The following ZNF605 variants were observed in gnomAD, a reference collection of about 807,000 sequenced individuals.
ZNF605 encodes the protein zinc finger protein 605.
A neutral mutation model predicts 7.9 loss-of-function variants in ZNF605; 9 were observed. The observed-to-expected ratio is 1.14, with a 90% CI of 0.68 to 1.98. The LOEUF (loss-of-function observed/expected upper bound fraction) is 1.98. ZNF605 is among the 30% of genes most tolerant of loss of function. The pLI is 0.00. For synonymous variants in ZNF605, 255 were observed against 260.1 expected (o/e 0.98, Z 0.19); for missense variants, 673 against 762.4 (o/e 0.88, Z 1.38).
rs1185702200 is a variant in ZNF605 at position 132,945,797 on chromosome 12, C to T, written c.-162G>A. ...ATTGTCTTGTTCCAGAGGGCTATTG[C>T]CTGTGGATGCAGTGGACATTTTATT... On this transcript the variant is annotated splice_region_variant and 5_prime_UTR_variant, in exon 3 of 5. Coordinates refer to ENST00000360187, the MANE Select transcript of ZNF605 (RefSeq NM_183238.4). 6.2e-6 allele frequency: 6 copies of T among 969,920 alleles called. No homozygotes were observed. Among genetic ancestry groups the T allele is most frequent in the East Asian group, 2.4e-5 (1 of 41,626 alleles). 60.1% of individuals were successfully genotyped at this position (969,920 alleles called of 1,614,324 possible).
rs1566228875 is a variant in ZNF605 at position 132,925,327 on chromosome 12, A to ACTTTC, written c.*45_*46insGAAAG. The ACTTTC allele has an allele frequency of 7.2e-7, 1 of 1,391,326 alleles. No homozygotes were observed. The highest frequency in any genetic ancestry group is 9.8e-7 in the Non-Finnish European group (1 of 1,019,576). 86.2% of individuals were successfully genotyped at this position (1,391,326 alleles called of 1,614,324 possible). On this transcript the variant is annotated 3_prime_UTR_variant, in exon 5 of 5. Transcript: ENST00000360187. ...TGCATCCTCAAAAGTGTCAGAAAGTATGACACTTGATAGCAACCTTTCTGC... is the reference window on the plus strand; with the variant it reads ...TGCATCCTCAAAAGTGTCAGAAAGTACTTTCTGACACTTGATAGCAACCTTTCTGC...
rs1011720182 is a variant in ZNF605 at position 132,932,608 on chromosome 12, A to G, written c.136+427T>C. The G allele has an allele frequency of 1.5e-5, 11 of 711,288 alleles. No individual in the cohort carries two copies. In the African/African-American group the frequency reaches 1.8e-4, roughly 12 times the overall value. The allele number at this position is 711,288 out of a possible 1,614,324, so 44.1% of individuals were successfully genotyped here. A position where few individuals can be genotyped will look rare whatever the true frequency, so the allele number is the denominator to read the frequency against. On this transcript the variant is annotated intron_variant, in intron 4 of 4. Coordinates refer to ENST00000360187, the MANE Select transcript of ZNF605 (RefSeq NM_183238.4). ...CTTGAGTCAACTCTAAAGATTCAGG[A>G]ACTTTAAACACAGTTTTATAAACAA...
chr12:132,927,888 C>G (rs1243821542), intron 4 of ZNF605, among the ~76,000 whole-genome samples: 4 of 152,052 alleles, frequency 2.6e-5, no homozygotes, highest in Admixed American at 1.3e-4. Context: ...ATCTCCTGAC[C>G]TCATGATCCA....
chr12:132,932,807 T>C (rs1236918100), intron 4 of ZNF605: 1 of 1,534,882 alleles, frequency 6.5e-7, no homozygotes, highest in Non-Finnish European at 8.7e-7. Flanking sequence ...TTTGAAAACC[T>C]GTCGATTGGA....
At chr12:132,929,944 A>AAAAT (rs146974268) in intron 4 of ZNF605, among the ~76,000 whole-genome samples, 11 of 152,236 alleles carry the variant, frequency 7.2e-5, no homozygotes, top group Admixed American at 2.6e-4. Flanking sequence ...ACTCCGTCTC[A>AAAAT]AAATAAATAA....
intron 3 of ZNF605, among the ~76,000 whole-genome samples, chr12:132,935,786 G>C (rs1169644045): frequency 6.6e-6 from 1 of 151,524 alleles, no homozygotes; most frequent in Non-Finnish European, 1.5e-5. Context: ...CCAGCTACTC[G>C]GGAGGCTGAG....
chr12:132,940,216 C>T lies in ZNF605; in HGVS notation c.15+5405G>A, dbSNP rs540378138. Among the ~76,000 whole-genome samples, 722 of 152,254 alleles carry T rather than the reference C, an allele frequency of 4.7e-3. 4 individuals carry two copies. Among genetic ancestry groups the T allele is most frequent in the Middle Eastern group, 0.037 (11 of 294 alleles). On this transcript the variant is annotated intron_variant, in intron 3 of 4. Transcript: ENST00000360187. The stretch of plus-strand genomic sequence containing the variant: ...TGTAGTGACAGAGAACAGATAGTGG[C>T]GGCCAGGGATAAGGGATGCACAGCC...
intron 1 of ZNF605, among the ~76,000 whole-genome samples, chr12:132,953,551 T>C (rs1264629731): frequency 3.3e-5 from 5 of 152,068 alleles, no homozygotes; most frequent in Non-Finnish European, 5.9e-5. Flanking sequence ...CTCAGCCTCC[T>C]GAGTAGGTGG....
At chr12:132,939,205 C>A (rs1181947795) in intron 3 of ZNF605, among the ~76,000 whole-genome samples, 1 of 152,202 alleles carries the variant, frequency 6.6e-6, no homozygotes, top group African/African-American at 2.4e-5. Flanking sequence ...TAGGTGAAGC[C>A]AGCTGGGCTC....
chr12:132,955,737 C>G (rs1397572131), intron 1 of ZNF605, among the ~76,000 whole-genome samples: 2 of 152,062 alleles, frequency 1.3e-5, no homozygotes, highest in Non-Finnish European at 2.9e-5. Flanking sequence ...CCTCATCATT[C>G]ACCCCGCTGG....
chr12:132,939,176 GC>G (rs1418101258), intron 3 of ZNF605, among the ~76,000 whole-genome samples: 1 of 152,154 alleles, frequency 6.6e-6, no homozygotes, highest in African/African-American at 2.4e-5. Context: ...TCCACCTGCA[GC>G]CCCGGTGCGG....
At chr12:132,940,881 C>T (rs1952429554) in intron 3 of ZNF605, among the ~76,000 whole-genome samples, 1 of 152,014 alleles carries the variant, frequency 6.6e-6, no homozygotes. Context: ...ACAGGCTTCC[C>T]TCTTCCCTCC....
At chr12:132,930,424 G>A (rs1040851686) in intron 4 of ZNF605, among the ~76,000 whole-genome samples, 15 of 152,162 alleles carry the variant, frequency 9.9e-5, no homozygotes, top group East Asian at 5.8e-4. Context: ...CCTCTTACTC[G>A]TGTCTCTCCC....
At chr12:132,944,536 T>C (rs1293560871) in intron 3 of ZNF605, among the ~76,000 whole-genome samples, 1 of 152,204 alleles carries the variant, frequency 6.6e-6, no homozygotes, top group African/African-American at 2.4e-5. Flanking sequence ...AGCATACTTA[T>C]GGGGACCATT....
chr12:132,955,589 A>G (rs1313421739), intron 1 of ZNF605, among the ~76,000 whole-genome samples: 4 of 152,032 alleles, frequency 2.6e-5, no homozygotes, highest in Non-Finnish European at 5.9e-5. Flanking sequence ...AAAGGGTGGG[A>G]AATTCCTCAA....
At chr12:132,952,753 T>C (rs1489279387) in intron 1 of ZNF605, among the ~76,000 whole-genome samples, 1 of 151,644 alleles carries the variant, frequency 6.6e-6, no homozygotes, top group African/African-American at 2.4e-5. Context: ...CTGAGAACTT[T>C]TAAAAAAGGA....
At chr12:132,955,407 A>C (rs1952626214) in intron 1 of ZNF605, among the ~76,000 whole-genome samples, 1 of 152,168 alleles carries the variant, frequency 6.6e-6, no homozygotes, top group Non-Finnish European at 1.5e-5. Context: ...AGCTTAGCTA[A>C]AGTTTGCTTA....
chr12:132,938,019 C>T (rs1458398577), intron 3 of ZNF605, among the ~76,000 whole-genome samples: 1 of 152,186 alleles, frequency 6.6e-6, no homozygotes, highest in East Asian at 1.9e-4. Flanking sequence ...CTCGCTCTGT[C>T]GCCCAGGCTG....
intron 1 of ZNF605, among the ~76,000 whole-genome samples, chr12:132,953,818 C>G (rs1198461747): frequency 2.0e-5 from 3 of 151,938 alleles, no homozygotes. Flanking sequence ...CACAGGGTCC[C>G]CAATTTCTCA....
Sources: allele counts gnomAD v4.1 joint callset (sites outside exome capture counted in the v4.1 genomes callset), GRCh38; gene constraint gnomAD v4.1.1; transcripts MANE v1.5; gene names NCBI Gene and HGNC (gene_info 2026-07-23, HGNC 2026-07-21).